Variants in MED12L observed in about 807,000 individuals in gnomAD.
MED12L encodes the protein mediator of RNA polymerase II transcription subunit 12-like protein.
Under a neutral mutation model 281.3 loss-of-function variants are expected in MED12L, and 60 were observed. The observed-to-expected ratio is 0.21, with a 90% CI of 0.17 to 0.26. The LOEUF (loss-of-function observed/expected upper bound fraction) is 0.26. Ranked by LOEUF, MED12L falls within the 10% of genes least tolerant of loss-of-function variation. The pLI is 1.00. For missense variants in MED12L, 2,146 were observed against 2,680.9 expected, an observed-to-expected ratio of 0.80 and a Z score of 4.41; for synonymous variants, 974 against 987.2, an observed-to-expected ratio of 0.99 and a Z score of 0.25.
chr3:151,375,302 G>A (rs1048571510), intron 27 of MED12L, among the ~76,000 whole-genome samples: 12 of 152,150 alleles, frequency 7.9e-5, no homozygotes, highest in Admixed American at 3.3e-4. Flanking sequence ...GACTTCACCC[G>A]AAATAGATCT....
intron 5 of MED12L, among the ~76,000 whole-genome samples, chr3:151,143,508 C>T (rs764633107): frequency 6.6e-5 from 10 of 152,182 alleles, no homozygotes; most frequent in Non-Finnish European, 1.2e-4. Context: ...AGGTGAGGGT[C>T]GTGAAATGTC....
chr3:151,417,647 A>G (rs1717773325), intron 43 of MED12L, among the ~76,000 whole-genome samples: 1 of 151,884 alleles, frequency 6.6e-6, no homozygotes, highest in East Asian at 1.9e-4. Context: ...CACCACACCC[A>G]GCTAAATTTT....
At chr3:151,328,781 A>G in intron 16 of MED12L, 1 of 1,613,992 alleles carries the variant, frequency 6.2e-7, no homozygotes, top group Non-Finnish European at 8.5e-7. Flanking sequence ...CATGAGTGTC[A>G]TTATCAAGTC....
chr3:151,120,056 T>TAAA (rs35163584), intron 3 of MED12L, among the ~76,000 whole-genome samples: 6 of 118,360 alleles, frequency 5.1e-5, no homozygotes, highest in South Asian at 2.7e-4. Flanking sequence ...CTGTCTCTAC[T>TAAA]AAAAAAAAAA....
chr3:151,323,083 G>A (rs569596589), intron 16 of MED12L, among the ~76,000 whole-genome samples: 9 of 152,284 alleles, frequency 5.9e-5, no homozygotes, highest in African/African-American at 2.2e-4. Flanking sequence ...GAGGAGAAGG[G>A]GGTGGAGGCA....
chr3:151,275,413 A>G (rs1741688700), intron 16 of MED12L, among the ~76,000 whole-genome samples: 1 of 152,160 alleles, frequency 6.6e-6, no homozygotes, highest in Non-Finnish European at 1.5e-5. Context: ...AAGGCCTTTG[A>G]TGCTTTTCAA....
At chr3:151,229,116 C>G (rs548927163) in intron 16 of MED12L, among the ~76,000 whole-genome samples, 3 of 152,044 alleles carry the variant, frequency 2.0e-5, no homozygotes. Flanking sequence ...GCTTATATAG[C>G]CAAAGGAAAA....
At chr3:151,209,180 C>A (rs765289270) in intron 16 of MED12L, among the ~76,000 whole-genome samples, 1 of 152,170 alleles carries the variant, frequency 6.6e-6, no homozygotes, top group Non-Finnish European at 1.5e-5. Flanking sequence ...TTTTATAACA[C>A]CCCTTTCTTA....
At chr3:151,252,994 C>T (rs140083593) in intron 16 of MED12L, among the ~76,000 whole-genome samples, 1 of 151,766 alleles carries the variant, frequency 6.6e-6, no homozygotes. Flanking sequence ...GGGAACTTGC[C>T]CTTAAAATAA....
chr3:151,417,487 C>CCTCCT (rs1717736742), intron 43 of MED12L, among the ~76,000 whole-genome samples: 1 of 78,818 alleles, frequency 1.3e-5, no homozygotes, highest in Non-Finnish European at 2.3e-5. Context: ...CCCCCCCCGC[C>CCTCCT]TTTTTTTTTT....
chr3:151,184,934 G>T (rs1205568238), intron 11 of MED12L, among the ~76,000 whole-genome samples: 1 of 152,176 alleles, frequency 6.6e-6, no homozygotes, highest in East Asian at 1.9e-4. Flanking sequence ...TGAGTGGGGG[G>T]CCTGAGGGTG....
intron 16 of MED12L, chr3:151,340,919 G>C (rs1751737352): frequency 6.6e-6 from 1 of 152,160 alleles, no homozygotes; most frequent in Non-Finnish European, 1.5e-5. Flanking sequence ...TGGCTGAGAA[G>C]TCATCTTTTA....
At chr3:151,256,851 T>C (rs1319720234) in intron 16 of MED12L, among the ~76,000 whole-genome samples, 1 of 150,928 alleles carries the variant, frequency 6.6e-6, no homozygotes, top group African/African-American at 2.4e-5. Context: ...TGACAGAGGT[T>C]TTTTTTTTGT....
intron 3 of MED12L, among the ~76,000 whole-genome samples, chr3:151,118,800 T>C (rs1713280944): frequency 1.3e-5 from 2 of 152,238 alleles, no homozygotes; most frequent in South Asian, 4.1e-4. Context: ...TTCAAGCCAT[T>C]CTTCTGCCTC....
intron 11 of MED12L, among the ~76,000 whole-genome samples, chr3:151,180,422 TTCTC>T (rs1275695959): frequency 1.3e-5 from 2 of 152,234 alleles, no homozygotes; most frequent in African/African-American, 4.8e-5. Flanking sequence ...TTTTAGACGT[TTCTC>T]TCTAGAAGGT....
At chr3:151,218,301 G>C (rs1056002542) in intron 16 of MED12L, among the ~76,000 whole-genome samples, 7 of 152,170 alleles carry the variant, frequency 4.6e-5, no homozygotes, top group Non-Finnish European at 8.8e-5. Context: ...AAAGAGGAGA[G>C]ATAGGCAACA....
At position 151,436,637 on chromosome 3, in the gene MED12L, T is replaced by A; in HGVS notation, c.*3833T>A. ...TGCCTATGGCTGCCTTTGATTAAACTTCTTCCAAAAAATAAATTCTGCCCA... is the reference window on the plus strand; with the variant it reads ...TGCCTATGGCTGCCTTTGATTAAACATCTTCCAAAAAATAAATTCTGCCCA... On this transcript the variant is annotated 3_prime_UTR_variant, in exon 45 of 45. Coordinates refer to ENST00000687756, the MANE Select transcript of MED12L (RefSeq NM_001393769.1). The A allele has an allele frequency of 1.5e-6, 2 of 1,349,442 alleles. No individual in the cohort carries two copies. Among genetic ancestry groups the A allele is most frequent in the Non-Finnish European group, 2.0e-6 (2 of 979,760 alleles). 83.6% of individuals were successfully genotyped at this position (1,349,442 alleles called of 1,614,324 possible).
chr3:151,196,338 A>T (rs971993996), intron 16 of MED12L, among the ~76,000 whole-genome samples: 1 of 152,214 alleles, frequency 6.6e-6, no homozygotes, highest in Non-Finnish European at 1.5e-5. Context: ...CTAATATAAC[A>T]CTGACTTTAG....
intron 23 of MED12L, among the ~76,000 whole-genome samples, chr3:151,366,460 G>A (rs1178406065): frequency 6.6e-6 from 1 of 152,180 alleles, no homozygotes; most frequent in Non-Finnish European, 1.5e-5. Flanking sequence ...AGATTCCGAG[G>A]ATGTCCGGTG....
Sources: gnomAD v4.1 joint callset for allele counts (sites outside exome capture counted in the v4.1 genomes callset) on GRCh38, gnomAD v4.1.1 for gene constraint, MANE v1.5 for transcripts, NCBI Gene and HGNC (gene_info 2026-07-23, HGNC 2026-07-21) for gene names.